Variants in ITGBL1 observed in about 807,000 individuals in gnomAD.
The protein encoded by ITGBL1 is integrin beta-like protein 1.
ITGBL1 carries 51 observed loss-of-function variants against 68.5 expected under a neutral mutation model. The ratio of observed to expected loss-of-function variants is 0.74; its 90% CI spans 0.59 to 0.94. ITGBL1 has a LOEUF of 0.94. Among genes scored for constraint, ITGBL1 ranks in the 40% least tolerant of loss-of-function variants. ITGBL1 has a pLI of 0.00. For synonymous variants in ITGBL1, 209 were observed against 227.3 expected (o/e 0.92, Z 0.72); for missense variants, 649 against 647.4 (o/e 1.00, Z -0.03).
intron 7 of ITGBL1, among the ~76,000 whole-genome samples, chr13:101,607,797 G>A (rs2030941465): frequency 6.6e-6 from 1 of 152,096 alleles, no homozygotes; most frequent in Admixed American, 6.6e-5. Flanking sequence ...ACAAACTTTT[G>A]CCATTTATCA....
chr13:101,648,249 T>C (rs1222411755), intron 7 of ITGBL1, among the ~76,000 whole-genome samples: 1 of 152,076 alleles, frequency 6.6e-6, no homozygotes, highest in African/African-American at 2.4e-5. Context: ...GAAATACAGA[T>C]GATAGAAAGA....
At chr13:101,614,829 C>T (rs2031285377) in intron 7 of ITGBL1, among the ~76,000 whole-genome samples, 1 of 152,118 alleles carries the variant, frequency 6.6e-6, no homozygotes, top group Non-Finnish European at 1.5e-5. Flanking sequence ...CAGATGCTCC[C>T]CAGAAACCCT....
At chr13:101,484,381 T>C (rs567888588) in intron 2 of ITGBL1, among the ~76,000 whole-genome samples, 3 of 152,308 alleles carry the variant, frequency 2.0e-5, no homozygotes, top group East Asian at 3.9e-4. Flanking sequence ...ATAGCTTTTC[T>C]ACATGGTTTA....
intron 7 of ITGBL1, among the ~76,000 whole-genome samples, chr13:101,663,154 A>G (rs1161703471): frequency 6.6e-6 from 1 of 152,196 alleles, no homozygotes; most frequent in Non-Finnish European, 1.5e-5. Context: ...ATAAATGAGT[A>G]TGATTTTTAT....
chr13:101,676,980 T>G (rs977923252), intron 7 of ITGBL1, among the ~76,000 whole-genome samples: 2 of 152,044 alleles, frequency 1.3e-5, no homozygotes, highest in African/African-American at 4.8e-5. Context: ...AAAAATTAGC[T>G]GGGCGTGGTG....
chr13:101,452,816 G>A lies in ITGBL1; in HGVS notation c.-18G>A. ...CTTGCAGAAGTGCAGCTCGCCCGGA[G>A]CAGCCCAGGAGCTCAGCATGCGTCC... On this transcript the variant is annotated 5_prime_UTR_variant, in exon 1 of 11. Coordinates refer to ENST00000376180, the MANE Select transcript of ITGBL1 (RefSeq NM_004791.3). 1.9e-6 allele frequency: 3 copies of A among 1,610,176 alleles called. No individual in the cohort carries two copies. Among genetic ancestry groups the A allele is most frequent in the South Asian group, 1.1e-5 (1 of 91,010 alleles).
chr13:101,556,080 A>T (rs9518441), intron 2 of ITGBL1, among the ~76,000 whole-genome samples: 1 of 152,040 alleles, frequency 6.6e-6, no homozygotes, highest in Non-Finnish European at 1.5e-5. Flanking sequence ...TGCTTTGTGC[A>T]TACTGACTTA....
chr13:101,595,585 G>A (rs999192145), intron 6 of ITGBL1, among the ~76,000 whole-genome samples: 6 of 152,148 alleles, frequency 3.9e-5, no homozygotes, highest in African/African-American at 1.4e-4. Context: ...CAAATGGCCA[G>A]TGGGTATATG....
At chr13:101,644,422 T>G (rs571970532) in intron 7 of ITGBL1, among the ~76,000 whole-genome samples, 1 of 152,242 alleles carries the variant, frequency 6.6e-6, no homozygotes, top group East Asian at 1.9e-4. Flanking sequence ...CTTCAGATAA[T>G]GGTGAGATCA....
At chr13:101,479,677 A>C (rs575022167) in intron 2 of ITGBL1, among the ~76,000 whole-genome samples, 1 of 152,246 alleles carries the variant, frequency 6.6e-6, no homozygotes, top group South Asian at 2.1e-4. Context: ...TTTTGAAGAC[A>C]TACAAATAGC....
intron 2 of ITGBL1, among the ~76,000 whole-genome samples, chr13:101,526,518 T>C (rs55815288): frequency 0.034 from 5,134 of 152,068 alleles, 274 homozygotes; most frequent in African/African-American, 0.11. Context: ...AAAGGATGAG[T>C]TCATGTCCTT....
At chr13:101,523,301 C>CT (rs778764285) in intron 2 of ITGBL1, among the ~76,000 whole-genome samples, 28 of 152,132 alleles carry the variant, frequency 1.8e-4, no homozygotes, top group Non-Finnish European at 4.0e-4. Context: ...ACACAGAAGG[C>CT]TTTTCATTTT....
At chr13:101,505,365 G>A (rs1031421779) in intron 2 of ITGBL1, among the ~76,000 whole-genome samples, 1 of 152,116 alleles carries the variant, frequency 6.6e-6, no homozygotes, top group Non-Finnish European at 1.5e-5. Flanking sequence ...GCATGTTCTT[G>A]AAGAACTCAT....
chr13:101,542,523 G>C (rs1478278136), intron 2 of ITGBL1, among the ~76,000 whole-genome samples: 2 of 152,152 alleles, frequency 1.3e-5, no homozygotes, highest in Non-Finnish European at 2.9e-5. Flanking sequence ...TGAGAATAAT[G>C]TATATTCTGT....
At chr13:101,524,523 A>G (rs2139142281) in intron 2 of ITGBL1, among the ~76,000 whole-genome samples, 1 of 152,162 alleles carries the variant, frequency 6.6e-6, no homozygotes, top group Admixed American at 6.5e-5. Context: ...ATGCCAATTG[A>G]CATATAGTTG....
intron 2 of ITGBL1, among the ~76,000 whole-genome samples, chr13:101,474,993 A>T (rs906264983): frequency 6.6e-6 from 1 of 152,212 alleles, no homozygotes; most frequent in Non-Finnish European, 1.5e-5. Context: ...TGGACAGTGA[A>T]GACAACAATA....
intron 2 of ITGBL1, among the ~76,000 whole-genome samples, chr13:101,485,932 AGT>A (rs773178605): frequency 7.2e-5 from 11 of 152,226 alleles, no homozygotes; most frequent in Non-Finnish European, 1.6e-4. Context: ...TATGGAAAAC[AGT>A]GTGGAGATTT....
intron 6 of ITGBL1, among the ~76,000 whole-genome samples, chr13:101,585,931 G>T (rs2050548673): frequency 6.6e-6 from 1 of 152,152 alleles, no homozygotes; most frequent in Admixed American, 6.5e-5. Context: ...GACTGGGGTT[G>T]AAAAATTCAA....
chr13:101,704,210 C>A (rs370892875), intron 8 of ITGBL1, among the ~76,000 whole-genome samples: 11 of 152,224 alleles, frequency 7.2e-5, no homozygotes, highest in East Asian at 1.9e-4. Flanking sequence ...TGTCTGGGTG[C>A]ATTTGTTCAT....
Sources: allele counts gnomAD v4.1 joint callset (sites outside exome capture counted in the v4.1 genomes callset), GRCh38; gene constraint gnomAD v4.1.1; transcripts MANE v1.5; gene names NCBI Gene and HGNC (gene_info 2026-07-23, HGNC 2026-07-21).